The following POLG variants were observed in gnomAD, a reference collection of about 807,000 sequenced individuals.
POLG encodes DNA polymerase subunit gamma-1.
POLG carries 110 observed loss-of-function variants against 155.4 expected under a neutral mutation model. The observed-to-expected ratio is 0.71, with a 90% CI of 0.61 to 0.83. The LOEUF (loss-of-function observed/expected upper bound fraction) is 0.83, where lower values mean the gene tolerates loss of function less well. Ranked by LOEUF, POLG falls within the 40% of genes least tolerant of loss-of-function variation. The probability of loss-of-function intolerance (pLI) is 0.00; values close to 1 mark genes in which losing one functional copy is unlikely to be tolerated. For missense variants in POLG, 1,685 were observed against 1,627.5 expected, an observed-to-expected ratio of 1.04 and a Z score of -0.61; for synonymous variants, 701 against 631.5, an observed-to-expected ratio of 1.11 and a Z score of -1.65.
intron 6 of POLG, among the ~76,000 whole-genome samples, chr15:89,328,192 G>A (rs575662419): frequency 6.6e-6 from 1 of 152,134 alleles, no homozygotes; most frequent in Non-Finnish European, 1.5e-5. Context: ...CTTGGCTAAG[G>A]ATCTAGTTAG....
rs185107216 is a variant in POLG, at chr15:89,324,700, C to A, written c.1950-473G>T. ...AAGTTTCTCCCCAACACCTGCCTGC[C>A]TAAAGCTCAGGGTCTGTGATCTTAA... On this transcript the variant is annotated intron_variant, in intron 10 of 22. Transcript: ENST00000268124. Among the ~76,000 whole-genome samples, 358 of 152,336 alleles carry A rather than the reference C, an allele frequency of 2.4e-3. 1 individual carries two copies. Among genetic ancestry groups the A allele is most frequent in the Admixed American group, 8.6e-3 (131 of 15,304 alleles).
chr15:89,319,523 C>A (rs1176684973), intron 18 of POLG, 173 bp from the exon 19 acceptor site: 5 of 854,954 alleles, frequency 5.8e-6, no homozygotes, highest in Non-Finnish European at 9.2e-6. Flanking sequence ...AAGTGCCTTG[C>A]CTAGGATCAT....
intron 14 of POLG, 87 bp downstream of exon 14, chr15:89,322,655 C>T: frequency 6.9e-7 from 1 of 1,441,396 alleles, no homozygotes; most frequent in Non-Finnish European, 9.7e-7. Flanking sequence ...TCAGGCTGGC[C>T]CTCTGTGGGA....
Position 89,333,891 on chromosome 15 carries a change from A to C in POLG, c.-137T>G. 9.7e-7 allele frequency: 1 copy of C among 1,025,764 alleles called. No individual in the cohort carries two copies. The highest frequency in any genetic ancestry group is 1.4e-6 in the Non-Finnish European group (1 of 695,768). 63.5% of individuals were successfully genotyped at this position (1,025,764 alleles called of 1,614,324 possible). A position where few individuals can be genotyped will look rare whatever the true frequency, so the allele number is the denominator to read the frequency against. On this transcript the variant is annotated 5_prime_UTR_variant, in exon 2 of 23. The change abolishes an upstream ATG in the 5' untranslated region. Transcript: ENST00000268124. ...TCCTGTCAGTGAAATGGGTTTGACCATGCCTGCCTTCCACCCCAAATCCTA... is the reference window on the plus strand; with the variant it reads ...TCCTGTCAGTGAAATGGGTTTGACCCTGCCTGCCTTCCACCCCAAATCCTA...
At chr15:89,332,868 T>C (rs1335555675) in intron 2 of POLG, among the ~76,000 whole-genome samples, 1 of 152,212 alleles carries the variant, frequency 6.6e-6, no homozygotes, top group Non-Finnish European at 1.5e-5. Context: ...TGTGATTCTC[T>C]GCGTGGCCTT....
Position 89,325,452 on chromosome 15 carries a change from G to A in POLG, c.1947C>T (p.Tyr649=), listed in dbSNP as rs1465650547. Residue 649 remains tyrosine, a splice_region_variant and synonymous_variant, in exon 10 of 23, where the codon TAC becomes TAT. Transcript: ENST00000268124. The stretch of plus-strand genomic sequence containing the variant: ...CCTCCCCTGGGCCTAAGCCTTACCT[G>A]TAGGGGCAGACCACCCCAGCTGACT... The part of the protein sequence containing the change: ...TLESAGVVCP[Y]RAIESLYRKH... 2.5e-6 allele frequency: 4 copies of A among 1,598,362 alleles called. No homozygotes were observed. The highest frequency in any genetic ancestry group is 2.7e-5 in the African/African-American group (2 of 74,862).
At chr15:89,324,256 C>T (rs541070816) in intron 10 of POLG, 29 bp from the exon 11 acceptor site, 38 of 1,609,014 alleles carry the variant, frequency 2.4e-5, no homozygotes, top group African/African-American at 9.3e-5. Flanking sequence ...CAGCAGCAGC[C>T]GCTGATTACC....
rs1176145260 is a variant in POLG, at chr15:89,318,632, T to C, written c.3391A>G (p.Ile1131Val). 2 of 1,614,236 alleles carry C rather than the reference T, an allele frequency of 1.2e-6. No homozygotes were observed. The highest frequency in any genetic ancestry group is 3.3e-5 in the Admixed American group (2 of 60,024). Residue 1131 changes from isoleucine to valine, a missense_variant, in exon 21 of 23, where the codon ATC (isoleucine) becomes GTC (valine). Physicochemically the swap from Ile to Val is conservative, Grantham distance 29. Transcript: ENST00000268124. ...TAGCGAACCTCGTCATGGATGCTGA[T>C]GCAGAAGCGCCCATCTATGGCAAAC... ...EEFAIDGRFC[I>V]SIHDEVRYLV...
chr15:89,316,525 GC>G lies in POLG; in HGVS notation c.*225del, dbSNP rs2055270450. 6.7e-7 allele frequency: 1 copy of G among 1,497,130 alleles called. No homozygotes were observed. Among genetic ancestry groups the G allele is most frequent in the South Asian group, 1.2e-5 (1 of 84,580 alleles). The allele number at this position is 1,497,130 out of a possible 1,614,324, so 92.7% of individuals were successfully genotyped here. Reference sequence around the variant, plus strand: ...TCATTTTTACCCAACAAGCAACAATGCCCCTTGTCCTGTAGTCCACACCGAT... The same window carrying G: ...TCATTTTTACCCAACAAGCAACAATGCCCTTGTCCTGTAGTCCACACCGAT... On this transcript the variant is annotated 3_prime_UTR_variant, in exon 23 of 23. Coordinates refer to ENST00000268124, the MANE Select transcript of POLG (RefSeq NM_002693.3).
At position 89,322,859 on chromosome 15, in the gene POLG, A is replaced by C; in HGVS notation, c.2309T>G (p.Phe770Cys). The stretch of plus-strand genomic sequence containing the variant: ...GGTGCCATCCTCCATCTTGGGCAGG[A>C]AGTCCTTGGCAAAGGGGCTTCCCAC... ...CNVGSPFAKD[F>C]LPKMEDGTLQ... The change falls in exon 14 of 23, where the codon TTC (phenylalanine) becomes TGC (cysteine). Residue 770 changes from phenylalanine (F) to cysteine (C), a missense_variant. Coordinates refer to ENST00000268124, the MANE Select transcript of POLG (RefSeq NM_002693.3). The C allele has an allele frequency of 6.2e-7, 1 of 1,613,878 alleles. No homozygotes were observed. The highest frequency in any genetic ancestry group is 8.5e-7 in the Non-Finnish European group (1 of 1,179,978).
chr15:89,316,398 G>A lies in POLG; in HGVS notation c.*353C>T, dbSNP rs780643818. 1 of 1,611,550 alleles carries A rather than the reference G, an allele frequency of 6.2e-7. No homozygotes were observed. Among genetic ancestry groups the A allele is most frequent in the South Asian group, 1.1e-5 (1 of 90,616 alleles). On this transcript the variant is annotated 3_prime_UTR_variant, in exon 23 of 23. Transcript: ENST00000268124. ...AGCATTAATTCTTTCCCCTTCTAGG[G>A]CACTGCATCAGAGCATGGGGGACAG...
intron 16 of POLG, 132 bp from the exon 17 acceptor site, chr15:89,321,392 C>A: frequency 9.4e-7 from 1 of 1,065,668 alleles, no homozygotes. Context: ...TGCTGAAATT[C>A]CACAGTTCCA....
rs747828222 is a variant in POLG, at chr15:89,333,408, G to A, written c.347C>T (p.Pro116Leu). The stretch of plus-strand genomic sequence containing the variant: ...CTCCACGTCGGGCAAGGGCACGGCT[G>A]GCTGCCCCCAGAGCCCGTGCTTCTG... The part of the protein sequence containing the change: ...HLQKHGLWGQ[P>L]AVPLPDVELR... The change falls in exon 2 of 23, where the codon CCA (proline) becomes CTA (leucine). Residue 116 changes from proline to leucine, a missense_variant. Physicochemically the swap from Pro to Leu is moderately conservative, Grantham distance 98. This residue lies in a region of POLG where 1,210 missense variants were observed against 1,167.1 expected (regional missense o/e 1.04). Transcript: ENST00000268124. 8.7e-6 allele frequency: 14 copies of A among 1,604,380 alleles called. No homozygotes were observed. Among genetic ancestry groups the A allele is most frequent in the Non-Finnish European group, 7.6e-6 (9 of 1,178,344 alleles).
At chr15:89,329,919 G>A (rs1007502875) in intron 3 of POLG, among the ~76,000 whole-genome samples, 162 bp downstream of exon 3, 2 of 152,140 alleles carry the variant, frequency 1.3e-5, no homozygotes, top group African/African-American at 4.8e-5. Flanking sequence ...ACAACAGCTA[G>A]GCACAGAGAC....
rs775289884 is a variant in POLG at position 89,328,851 on chromosome 15, G to C, written c.1024-20C>G. On this transcript the variant is annotated intron_variant, in intron 4 of 22. Transcript: ENST00000268124. ...TGAGATCTGGGGAACCAGAGCAAGGGACATGGCAGATCAGCCTGGCCTCGG... is the reference window on the plus strand; with the variant it reads ...TGAGATCTGGGGAACCAGAGCAAGGCACATGGCAGATCAGCCTGGCCTCGG... 27 of 1,613,898 alleles carry C rather than the reference G, an allele frequency of 1.7e-5. No individual in the cohort carries two copies. The highest frequency in any genetic ancestry group is 8.5e-7 in the Non-Finnish European group (1 of 1,180,046).
At chr15:89,327,135 G>A (rs2055533164) in intron 7 of POLG, 32 bp downstream of exon 7, 1 of 1,614,006 alleles carries the variant, frequency 6.2e-7, no homozygotes, top group Admixed American at 1.7e-5. Flanking sequence ...CCAGTCCCCT[G>A]CCTAGATCCT....
intron 2 of POLG, among the ~76,000 whole-genome samples, chr15:89,331,475 G>C (rs1219396357): frequency 6.6e-6 from 1 of 152,230 alleles, no homozygotes; most frequent in African/African-American, 2.4e-5. Flanking sequence ...TTATAAACTA[G>C]TGATTAAAAA....
At position 89,321,270 on chromosome 15, in the gene POLG, G is replaced by A. The variant is rs769346219; in HGVS notation, c.2599-10C>T. 2.5e-6 allele frequency: 4 copies of A among 1,613,808 alleles called. No homozygotes were observed. The highest frequency in any genetic ancestry group is 2.7e-5 in the African/African-American group (2 of 74,942). On this transcript the variant is annotated splice_polypyrimidine_tract_variant and intron_variant, in intron 16 of 22. Transcript: ENST00000268124. ...TGCCTACTCGGTCAGGCTGTGGGAAGAGTGAGATACCCAAATGAGACTCTT... is the reference window on the plus strand; with the variant it reads ...TGCCTACTCGGTCAGGCTGTGGGAAAAGTGAGATACCCAAATGAGACTCTT...
chr15:89,328,558 CG>C, intron 5 of POLG, 23 bp from the exon 6 acceptor site: 1 of 1,612,064 alleles, frequency 6.2e-7, no homozygotes, highest in South Asian at 1.1e-5. Context: ...GACAGGAAGG[CG>C]CAAGGTGGGC....
Sources: allele counts gnomAD v4.1 joint callset (sites outside exome capture counted in the v4.1 genomes callset), GRCh38; gene constraint gnomAD v4.1.1; regional missense constraint gnomAD v4.1.1; transcripts MANE v1.5; gene names NCBI Gene and HGNC (gene_info 2026-07-23, HGNC 2026-07-21).